Variants in FILIP1L observed in about 807,000 individuals in gnomAD.
FILIP1L encodes filamin A-interacting protein 1-like.
Under a neutral mutation model 96.6 loss-of-function variants are expected in FILIP1L, and 55 were observed. The observed-to-expected ratio is 0.57, with a 90% CI of 0.46 to 0.71. The LOEUF (loss-of-function observed/expected upper bound fraction) is 0.71, where lower values mean the gene tolerates loss of function less well. Ranked by LOEUF, FILIP1L falls within the 30% of genes least tolerant of loss-of-function variation. FILIP1L has a pLI of 0.00. For synonymous variants in FILIP1L, 467 were observed against 473.9 expected (o/e 0.99, Z 0.19); for missense variants, 1,304 against 1,321.2 (o/e 0.99, Z 0.20).
At chr3:100,016,637 A>G (rs1171103319) in intron 1 of FILIP1L, among the ~76,000 whole-genome samples, 1 of 152,234 alleles carries the variant, frequency 6.6e-6, no homozygotes, top group Non-Finnish European at 1.5e-5. Flanking sequence ...ATATGCATAT[A>G]AAATAGGAGT....
intron 1 of FILIP1L, among the ~76,000 whole-genome samples, chr3:100,057,852 C>T (rs1438823221): frequency 6.6e-6 from 1 of 152,150 alleles, no homozygotes; most frequent in Non-Finnish European, 1.5e-5. Flanking sequence ...TTAGAATTAA[C>T]AACTGTGAAT....
intron 1 of FILIP1L, among the ~76,000 whole-genome samples, chr3:100,036,817 C>T (rs1389077895): frequency 6.6e-6 from 1 of 152,162 alleles, no homozygotes; most frequent in Non-Finnish European, 1.5e-5. Flanking sequence ...AAGTTACCAT[C>T]ATCAATAGTA....
At chr3:99,894,268 T>A (rs950130669) in intron 4 of FILIP1L, among the ~76,000 whole-genome samples, 2 of 152,186 alleles carry the variant, frequency 1.3e-5, no homozygotes, top group Non-Finnish European at 2.9e-5. Context: ...AAGATCTGTA[T>A]CTGAAAAGGT....
At chr3:99,955,147 G>T (rs887387479) in intron 1 of FILIP1L, among the ~76,000 whole-genome samples, 6 of 152,166 alleles carry the variant, frequency 3.9e-5, no homozygotes, top group African/African-American at 1.4e-4. Context: ...TCAATTCTAT[G>T]GCTGTATCAT....
intron 5 of FILIP1L, among the ~76,000 whole-genome samples, chr3:99,833,793 G>C (rs1026501190): frequency 6.6e-6 from 1 of 152,246 alleles, no homozygotes; most frequent in African/African-American, 2.4e-5. Context: ...AATTGAGGTG[G>C]TGTGGGACGG....
intron 1 of FILIP1L, among the ~76,000 whole-genome samples, chr3:100,021,930 T>TGC: frequency 1.7e-5 from 2 of 118,434 alleles, no homozygotes; most frequent in African/African-American, 6.3e-5. Flanking sequence ...TGTGTGTGTG[T>TGC]GTGTGTGTGT....
chr3:99,975,667 C>G (rs750036819), intron 1 of FILIP1L, among the ~76,000 whole-genome samples: 1 of 151,924 alleles, frequency 6.6e-6, no homozygotes, highest in African/African-American at 2.4e-5. Context: ...AACTGAGAAA[C>G]ACAGAGGAAG....
At chr3:100,049,921 G>A (rs2065341609) in intron 1 of FILIP1L, among the ~76,000 whole-genome samples, 1 of 152,138 alleles carries the variant, frequency 6.6e-6, no homozygotes. Context: ...GGAGTCAAAA[G>A]TTATATGCGA....
At chr3:100,046,930 G>A (rs1559738454) in intron 1 of FILIP1L, among the ~76,000 whole-genome samples, 1 of 152,148 alleles carries the variant, frequency 6.6e-6, no homozygotes, top group Non-Finnish European at 1.5e-5. Context: ...GAGTAATTAG[G>A]TAGAGGGAAA....
intron 1 of FILIP1L, among the ~76,000 whole-genome samples, chr3:100,021,960 T>TGTGTGTGTGTGTGAGA (rs1321185364): frequency 3.2e-5 from 3 of 93,288 alleles, no homozygotes; most frequent in African/African-American, 4.0e-5. Flanking sequence ...TGTGTGTGTG[T>TGTGTGTGTGTGTGAGA]GAGAGAGAGA....
At chr3:100,045,748 C>T (rs564254862) in intron 1 of FILIP1L, among the ~76,000 whole-genome samples, 10 of 152,330 alleles carry the variant, frequency 6.6e-5, no homozygotes, top group African/African-American at 1.7e-4. Flanking sequence ...CATTTCCAGA[C>T]GGCAGCTTTG....
At chr3:100,022,294 C>T (rs1206049130) in intron 1 of FILIP1L, among the ~76,000 whole-genome samples, 1 of 152,188 alleles carries the variant, frequency 6.6e-6, no homozygotes, top group African/African-American at 2.4e-5. Flanking sequence ...CTCCACTCCA[C>T]CACCACCCTA....
intron 1 of FILIP1L, among the ~76,000 whole-genome samples, chr3:100,025,804 G>T (rs1309081769): frequency 6.6e-6 from 1 of 152,114 alleles, no homozygotes; most frequent in Admixed American, 6.6e-5. Context: ...CTCTGCTGTA[G>T]TCGACCTCCA....
At chr3:99,915,081 C>T (rs913007931) in intron 4 of FILIP1L, among the ~76,000 whole-genome samples, 1 of 152,100 alleles carries the variant, frequency 6.6e-6, no homozygotes, top group Non-Finnish European at 1.5e-5. Flanking sequence ...ATAAGGGCAC[C>T]ATATGCTCTT....
At position 99,849,771 on chromosome 3, in the gene FILIP1L, C is replaced by T; in HGVS notation, c.1905G>A (p.Leu635=). The stretch of plus-strand genomic sequence containing the variant: ...CTTTCATGTCCTTTAGCTTCAGTTT[C>T]AGTCTTTCCACTTCTTGAGAGAGCT... ...IKELSQEVER[L]KLKLKDMKAI... Residue 635 remains leucine (L), a synonymous_variant, in exon 5 of 6, where the codon CTG becomes CTA. Coordinates refer to ENST00000477258, the MANE Select transcript of FILIP1L (RefSeq NM_001387850.1). The T allele has an allele frequency of 1.2e-6, 2 of 1,613,676 alleles. No individual in the cohort carries two copies. Among genetic ancestry groups the T allele is most frequent in the Non-Finnish European group, 1.7e-6 (2 of 1,179,996 alleles).
intron 1 of FILIP1L, among the ~76,000 whole-genome samples, chr3:100,002,484 A>G (rs577224500): frequency 9.2e-5 from 14 of 152,174 alleles, no homozygotes; most frequent in Non-Finnish European, 1.9e-4. Context: ...TTGCTTTTAC[A>G]AGATTTGCAC....
chr3:99,910,443 A>C (rs1706752875), intron 4 of FILIP1L, among the ~76,000 whole-genome samples: 1 of 136,286 alleles, frequency 7.3e-6, no homozygotes, highest in African/African-American at 2.5e-5. Flanking sequence ...CATTTCTTTA[A>C]TAAATCTTCC....
At chr3:99,986,749 C>T (rs1709353286) in intron 1 of FILIP1L, among the ~76,000 whole-genome samples, 2 of 151,968 alleles carry the variant, frequency 1.3e-5, no homozygotes, top group African/African-American at 2.4e-5. Context: ...TTTTGCCCCA[C>T]CCCCAGGGGA....
At chr3:99,969,007 C>G (rs1201134028) in intron 1 of FILIP1L, among the ~76,000 whole-genome samples, 1 of 151,956 alleles carries the variant, frequency 6.6e-6, no homozygotes, top group Non-Finnish European at 1.5e-5. Flanking sequence ...AAATGGGTTT[C>G]TGGGCTTAGA....
Sources: gnomAD v4.1 joint callset for allele counts (sites outside exome capture counted in the v4.1 genomes callset) on GRCh38, gnomAD v4.1.1 for gene constraint, MANE v1.5 for transcripts, NCBI Gene and HGNC (gene_info 2026-07-23, HGNC 2026-07-21) for gene names.